The following TRMT11 variants were observed in gnomAD, a reference collection of about 807,000 sequenced individuals.
TRMT11 encodes the protein tRNA (guanine(10)-N(2))-methyltransferase TRMT11.
In TRMT11, 53 loss-of-function variants were observed where a neutral mutation model predicts 62.8. The ratio of observed to expected loss-of-function variants is 0.84; its 90% CI spans 0.68 to 1.06. The LOEUF (loss-of-function observed/expected upper bound fraction) is 1.06, where lower values mean the gene tolerates loss of function less well. Among genes scored for constraint, TRMT11 ranks in the 50% least tolerant of loss-of-function variants. The pLI is 0.00. For synonymous variants in TRMT11, 188 were observed against 190.3 expected (o/e 0.99, Z 0.10); for missense variants, 556 against 553.4 (o/e 1.00, Z -0.05).
At chr6:126,030,830 C>T (rs536836667) in intron 12 of TRMT11, among the ~76,000 whole-genome samples, 3 of 152,150 alleles carry the variant, frequency 2.0e-5, no homozygotes, top group Non-Finnish European at 4.4e-5. Context: ...ACTTCATCCT[C>T]TAGAAAGTGG....
rs150019631 is a variant in TRMT11, at chr6:126,151,181, G to A, written c.*1824-23644G>A. On this transcript the variant is annotated intron_variant and NMD_transcript_variant, in intron 21 of 22. Coordinates refer to the TRMT11 transcript ENST00000648977. ...AAATATACTTTCATATATTGTAAAT[G>A]TATGTAAAGCACTTCAGGTTGGCAC... Among the ~76,000 whole-genome samples, 52 of 152,190 alleles carry A rather than the reference G, an allele frequency of 3.4e-4. 1 individual carries two copies. In the East Asian group the frequency reaches 9.1e-3, roughly 27 times the overall value.
At chr6:126,271,485 T>TTA in the TRMT11 span, among the ~76,000 whole-genome samples, 4,877 of 146,974 alleles carry the variant, frequency 0.033, 112 homozygotes, top group African/African-American at 0.067. Flanking sequence ...CCCAAATGGT[T>TTA]TATATATATA....
chr6:126,043,005 GC>G (rs1271593540), downstream of TRMT11, among the ~76,000 whole-genome samples: 1 of 151,914 alleles, frequency 6.6e-6, no homozygotes, highest in Non-Finnish European at 1.5e-5. Flanking sequence ...TGCACAAAGA[GC>G]CAAATTGCCT....
At position 126,086,806 on chromosome 6, in the gene TRMT11, C is replaced by G. The variant is rs150602540; in HGVS notation, c.*1438-26060C>G. On this transcript the variant is annotated intron_variant and NMD_transcript_variant, in intron 17 of 22. Transcript: ENST00000648977. ...TAAGTATTTGTATATATTTCTTCCT[C>G]TGAAGGCCTGTGGTGATCTTTTCTC... 3.5e-3 allele frequency among the ~76,000 whole-genome samples: 535 copies of G among 152,246 alleles called. 5 individuals carry two copies. Among genetic ancestry groups the G allele is most frequent in the Non-Finnish European group, 5.6e-3 (379 of 68,018 alleles).
intron 1 of TRMT11, among the ~76,000 whole-genome samples, chr6:126,191,915 T>C (rs1778605717): frequency 6.6e-6 from 1 of 152,108 alleles, no homozygotes; most frequent in Non-Finnish European, 1.5e-5. Flanking sequence ...CAGAATTGCT[T>C]TTTTATTTGG....
chr6:126,040,784 A>G (rs968490537), downstream of TRMT11, among the ~76,000 whole-genome samples: 4 of 152,132 alleles, frequency 2.6e-5, no homozygotes, highest in African/African-American at 9.7e-5. Context: ...TTAAATATCC[A>G]TAAACTCCAG....
chr6:126,218,368 T>C, the TRMT11 span, among the ~76,000 whole-genome samples: 1 of 152,208 alleles, frequency 6.6e-6, no homozygotes, highest in African/African-American at 2.4e-5. Flanking sequence ...TCACACAAGG[T>C]TCATGGTGTG....
At chr6:126,071,203 A>T (rs536923341) in intron 17 of TRMT11, among the ~76,000 whole-genome samples, 4 of 152,148 alleles carry the variant, frequency 2.6e-5, no homozygotes, top group Non-Finnish European at 5.9e-5. Context: ...TAATCACTGT[A>T]TGCAGCCCTG....
chr6:126,011,992 T>A (rs779387804), intron 9 of TRMT11, among the ~76,000 whole-genome samples: 4 of 152,130 alleles, frequency 2.6e-5, no homozygotes, highest in Admixed American at 6.6e-5. Flanking sequence ...AGGTCGTGAG[T>A]TTTTTAGGCA....
chr6:126,061,732 A>T (rs989010539), intron 17 of TRMT11, among the ~76,000 whole-genome samples: 3 of 152,140 alleles, frequency 2.0e-5, no homozygotes, highest in African/African-American at 7.2e-5. Flanking sequence ...TGGCCCCTCC[A>T]AAGTGAGGTT....
At chr6:126,261,585 A>G in the TRMT11 span, among the ~76,000 whole-genome samples, 1 of 152,086 alleles carries the variant, frequency 6.6e-6, no homozygotes, top group Non-Finnish European at 1.5e-5. Context: ...TAATTGTCCT[A>G]GGGATAGACT....
intron 21 of TRMT11, among the ~76,000 whole-genome samples, chr6:126,143,386 G>A (rs1777940851): frequency 6.6e-6 from 1 of 152,052 alleles, no homozygotes; most frequent in Non-Finnish European, 1.5e-5. Context: ...AAAGAAAAAT[G>A]AGATTACTTA....
chr6:126,220,560 A>G, the TRMT11 span, among the ~76,000 whole-genome samples: 19 of 152,326 alleles, frequency 1.2e-4, no homozygotes, highest in Admixed American at 2.6e-4. Context: ...TGAAGATCAT[A>G]AAAATGAAGA....
At chr6:126,230,611 A>G in the TRMT11 span, among the ~76,000 whole-genome samples, 1 of 152,194 alleles carries the variant, frequency 6.6e-6, no homozygotes, top group African/African-American at 2.4e-5. Context: ...CTATTTGTTG[A>G]TATAGAAATG....
chr6:126,098,578 C>T (rs1305558410), intron 17 of TRMT11, among the ~76,000 whole-genome samples: 1 of 152,220 alleles, frequency 6.6e-6, no homozygotes, highest in Non-Finnish European at 1.5e-5. Context: ...AGCAGCAATT[C>T]TCTGTCTTTC....
intron 17 of TRMT11, among the ~76,000 whole-genome samples, chr6:126,075,452 T>C (rs1330664059): frequency 6.6e-6 from 1 of 151,932 alleles, no homozygotes; most frequent in Non-Finnish European, 1.5e-5. Context: ...TGAGATCCGA[T>C]TGTTTAAAAG....
chr6:126,056,503 C>T (rs1007926548), intron 17 of TRMT11, among the ~76,000 whole-genome samples: 4 of 152,162 alleles, frequency 2.6e-5, no homozygotes, highest in African/African-American at 9.7e-5. Context: ...TAGGTGCATA[C>T]CTAAGCAAAG....
intron 11 of TRMT11, among the ~76,000 whole-genome samples, chr6:126,016,610 C>T (rs1360414582): frequency 6.6e-6 from 1 of 151,662 alleles, no homozygotes; most frequent in Non-Finnish European, 1.5e-5. Flanking sequence ...AATGACTTCT[C>T]TATTTTAGTA....
intron 21 of TRMT11, among the ~76,000 whole-genome samples, chr6:126,130,833 ACT>A (rs1234914685): frequency 2.6e-5 from 4 of 152,172 alleles, no homozygotes; most frequent in South Asian, 2.1e-4. Flanking sequence ...GTGACAAATG[ACT>A]CTGGATGAAT....
Sources: gnomAD v4.1 joint callset for allele counts (sites outside exome capture counted in the v4.1 genomes callset) on GRCh38, gnomAD v4.1.1 for gene constraint, MANE v1.5 for transcripts, NCBI Gene and HGNC (gene_info 2026-07-23, HGNC 2026-07-21) for gene names.